Variants in PARD3B observed in about 807,000 individuals in gnomAD.
PARD3B encodes partitioning defective 3 homolog B.
In PARD3B, 103 loss-of-function variants were observed where a neutral mutation model predicts 130.2. The observed-to-expected ratio is 0.79, with a 90% CI of 0.67 to 0.93. PARD3B has a LOEUF of 0.93. PARD3B is among the 40% of genes least tolerant of loss of function. The probability of loss-of-function intolerance (pLI) is 0.00; values close to 1 mark genes in which losing one functional copy is unlikely to be tolerated. For synonymous variants in PARD3B, 583 were observed against 553.2 expected, an observed-to-expected ratio of 1.05 and a Z score of -0.76; for missense variants, 1,609 against 1,499.2, an observed-to-expected ratio of 1.07 and a Z score of -1.21.
At chr2:204,990,338 A>C (rs1693551021) in intron 3 of PARD3B, among the ~76,000 whole-genome samples, 1 of 152,080 alleles carries the variant, frequency 6.6e-6, no homozygotes, top group Non-Finnish European at 1.5e-5. Flanking sequence ...ACAATGCATA[A>C]TGATCACTTC....
intron 2 of PARD3B, among the ~76,000 whole-genome samples, chr2:204,791,076 G>T (rs889705249): frequency 6.6e-6 from 1 of 151,688 alleles, no homozygotes; most frequent in Non-Finnish European, 1.5e-5. Context: ...CCGCCCTCCA[G>T]CCAAGGTAGC....
chr2:204,816,854 C>A (rs1481727623), intron 2 of PARD3B, among the ~76,000 whole-genome samples: 1 of 151,950 alleles, frequency 6.6e-6, no homozygotes, highest in Non-Finnish European at 1.5e-5. Flanking sequence ...TTTTAGAGAA[C>A]AATTACATGT....
At chr2:204,783,728 A>G (rs957697773) in intron 2 of PARD3B, among the ~76,000 whole-genome samples, 1 of 152,268 alleles carries the variant, frequency 6.6e-6, no homozygotes, top group South Asian at 2.1e-4. Context: ...TCTCACTCAA[A>G]GGCACAGTAG....
intron 4 of PARD3B, among the ~76,000 whole-genome samples, chr2:205,080,281 A>C (rs1164316040): frequency 2.0e-5 from 3 of 152,052 alleles, no homozygotes; most frequent in Non-Finnish European, 4.4e-5. Flanking sequence ...TAAATGAGTA[A>C]TTTCTTACAT....
At chr2:204,972,158 G>A (rs1008573921) in intron 3 of PARD3B, among the ~76,000 whole-genome samples, 1 of 151,996 alleles carries the variant, frequency 6.6e-6, no homozygotes, top group African/African-American at 2.4e-5. Context: ...AGTAATTTTT[G>A]TTTGTATTGA....
chr2:204,940,056 A>G (rs916550366), intron 2 of PARD3B, among the ~76,000 whole-genome samples: 3 of 152,230 alleles, frequency 2.0e-5, no homozygotes, highest in African/African-American at 7.2e-5. Context: ...ATCCTTTTGG[A>G]AAAATATTCA....
chr2:205,478,543 G>A (rs112979420), intron 20 of PARD3B, among the ~76,000 whole-genome samples: 1 of 152,050 alleles, frequency 6.6e-6, no homozygotes. Flanking sequence ...AGATGTTTTC[G>A]ATTTTACCGT....
intron 4 of PARD3B, among the ~76,000 whole-genome samples, chr2:205,066,537 A>G (rs1289808588): frequency 6.6e-6 from 1 of 152,208 alleles, no homozygotes; most frequent in African/African-American, 2.4e-5. Flanking sequence ...GTGTAAGCTT[A>G]GAGACTGAAT....
Position 205,187,029 on chromosome 2 carries a change from A to G in PARD3B, c.2024+1166A>G, listed in dbSNP as rs1193560524. On this transcript the variant is annotated intron_variant, in intron 14 of 22. Coordinates refer to ENST00000406610, the MANE Select transcript of PARD3B (RefSeq NM_001302769.2). The surrounding 1 kb of genome is among the most constrained non-coding windows in gnomAD (Gnocchi z 4.9). ...CTGTCTTCAGGAAGCTGGTAGGCTG[A>G]CAGGTAGGCTCATGGGACGACTGGA... Among the ~76,000 whole-genome samples, 1 of 152,216 alleles carries G rather than the reference A, an allele frequency of 6.6e-6. No homozygotes were observed. The highest frequency in any genetic ancestry group is 2.4e-5 in the African/African-American group (1 of 41,462).
chr2:205,081,520 A>T (rs1701402103), intron 4 of PARD3B, among the ~76,000 whole-genome samples: 1 of 152,044 alleles, frequency 6.6e-6, no homozygotes, highest in Non-Finnish European at 1.5e-5. Flanking sequence ...GCCATTAAAT[A>T]TGATATTAGT....
chr2:204,878,035 T>C (rs759981812), intron 2 of PARD3B, among the ~76,000 whole-genome samples: 6 of 152,184 alleles, frequency 3.9e-5, no homozygotes, highest in Non-Finnish European at 8.8e-5. Context: ...CTATGTATCA[T>C]AGTTTTTAAA....
At chr2:204,735,182 T>C (rs1006500993) in intron 2 of PARD3B, among the ~76,000 whole-genome samples, 3 of 152,074 alleles carry the variant, frequency 2.0e-5, no homozygotes, top group African/African-American at 4.8e-5. Context: ...ACTACCTTAA[T>C]TGGATAAAGT....
At position 204,686,282 on chromosome 2, in the gene PARD3B, G is replaced by A. The variant is rs760073145; in HGVS notation, c.222G>A (p.Lys74=). Residue 74 remains lysine (K), a splice_region_variant and synonymous_variant, in exon 2 of 23, where the codon AAG becomes AAA. Coordinates refer to ENST00000406610, the MANE Select transcript of PARD3B (RefSeq NM_001302769.2). ...VLADVVEDKD[K]LIAVFEEQEP... ...CAGATGTTGTTGAAGATAAAGACAA[G>A]GTAGATAACTCTAAAAATGTGCCTC... The A allele has an allele frequency of 1.3e-6, 2 of 1,598,386 alleles. No homozygotes were observed. Among genetic ancestry groups the A allele is most frequent in the East Asian group, 2.2e-5 (1 of 44,726 alleles).
intron 18 of PARD3B, chr2:205,347,799 C>T (rs1044413309): frequency 3.3e-5 from 5 of 152,050 alleles, no homozygotes; most frequent in East Asian, 1.9e-4. Flanking sequence ...TTTAGGAAGA[C>T]GTGGGGAGTA....
chr2:205,167,318 A>G (rs569980359), intron 11 of PARD3B, among the ~76,000 whole-genome samples: 1 of 152,272 alleles, frequency 6.6e-6, no homozygotes, highest in South Asian at 2.1e-4. Context: ...CCTCACTCCA[A>G]AGAATTATCT....
At chr2:205,509,916 G>T (rs1343432144) in intron 21 of PARD3B, among the ~76,000 whole-genome samples, 1 of 152,148 alleles carries the variant, frequency 6.6e-6, no homozygotes, top group East Asian at 1.9e-4. Flanking sequence ...AACTAACATG[G>T]GCCAGGATGC....
intron 19 of PARD3B, among the ~76,000 whole-genome samples, chr2:205,435,593 G>C (rs2047485669): frequency 1.3e-5 from 2 of 151,534 alleles, no homozygotes; most frequent in Non-Finnish European, 2.9e-5. Flanking sequence ...GGGTTTTAGT[G>C]GTTTCTTTGT....
chr2:205,452,875 G>A (rs948550716), intron 20 of PARD3B, among the ~76,000 whole-genome samples: 5 of 152,094 alleles, frequency 3.3e-5, no homozygotes, highest in African/African-American at 1.2e-4. Flanking sequence ...CTCAACCACT[G>A]GGGGTAAATG....
At chr2:204,986,923 T>C (rs1693206144) in intron 3 of PARD3B, among the ~76,000 whole-genome samples, 2 of 152,342 alleles carry the variant, frequency 1.3e-5, no homozygotes, top group African/African-American at 2.4e-5. Context: ...AAAGCTGTCT[T>C]TCTTTTTGAG....
Sources: gnomAD v4.1 joint callset for allele counts (sites outside exome capture counted in the v4.1 genomes callset) on GRCh38, gnomAD v4.1.1 for gene constraint, Gnocchi (gnomAD v3.1) non-coding constraint, MANE v1.5 for transcripts, NCBI Gene and HGNC (gene_info 2026-07-23, HGNC 2026-07-21) for gene names.